The following PPP2R2B variants were observed in gnomAD, a reference collection of about 807,000 sequenced individuals.
PPP2R2B encodes the protein serine/threonine-protein phosphatase 2A 55 kDa regulatory subunit B beta isoform.
In PPP2R2B, 5 loss-of-function variants were observed where a neutral mutation model predicts 46.0. The ratio of observed to expected loss-of-function variants is 0.11; its 90% CI spans 0.06 to 0.23. The LOEUF (loss-of-function observed/expected upper bound fraction) is 0.23. Ranked by LOEUF, PPP2R2B falls within the 10% of genes least tolerant of loss-of-function variation. PPP2R2B has a pLI of 1.00. For synonymous variants in PPP2R2B, 215 were observed against 206.7 expected (o/e 1.04, Z -0.34); for missense variants, 367 against 575.0 (o/e 0.64, Z 3.70).
chr5:146,719,639 A>G (rs1349701196), intron 2 of PPP2R2B, among the ~76,000 whole-genome samples: 1 of 152,160 alleles, frequency 6.6e-6, no homozygotes, highest in Non-Finnish European at 1.5e-5. Context: ...CAGATAAGGC[A>G]GAGCAAGGCT....
chr5:146,724,700 A>G (rs1166911999), intron 2 of PPP2R2B, among the ~76,000 whole-genome samples: 1 of 152,196 alleles, frequency 6.6e-6, no homozygotes, highest in Non-Finnish European at 1.5e-5. Context: ...TCCCAAAGGC[A>G]GGAGCTGGGC....
intron 1 of PPP2R2B, among the ~76,000 whole-genome samples, chr5:147,042,222 A>G (rs905127870): frequency 6.7e-6 from 1 of 149,430 alleles, no homozygotes; most frequent in Non-Finnish European, 1.5e-5. Context: ...TTTTAACTAG[A>G]CCCCCCCCTC....
intron 2 of PPP2R2B, among the ~76,000 whole-genome samples, chr5:146,746,918 T>C (rs558701234): frequency 6.6e-6 from 1 of 152,194 alleles, no homozygotes; most frequent in South Asian, 2.1e-4. Flanking sequence ...CAAGTTCATA[T>C]GGCGAGTCCG....
At position 146,812,967 on chromosome 5, in the gene PPP2R2B, C is replaced by A. The variant is rs547126821; in HGVS notation, c.70+65035G>T. Among the ~76,000 whole-genome samples, 30 of 149,060 alleles carry A rather than the reference C, an allele frequency of 2.0e-4. No individual in the cohort carries two copies. In the Admixed American group the frequency reaches 2.0e-3, roughly 10 times the overall value. ...TCACAACAGGAGGGAATTATGGGAG[C>A]TACAATTCAAGATGAGATTTGGGTG... On this transcript the variant is annotated intron_variant, in intron 2 of 9. Coordinates refer to ENST00000394411, the MANE Select transcript of PPP2R2B (RefSeq NM_181675.4).
intron 2 of PPP2R2B, among the ~76,000 whole-genome samples, chr5:146,800,629 T>G (rs796876808): frequency 0.02 from 725 of 36,498 alleles, 4 homozygotes; most frequent in African/African-American, 0.039. Flanking sequence ...TAATTTTTTT[T>G]GGGGGGTGGG....
chr5:146,631,423 C>T (rs1226379224), intron 7 of PPP2R2B, among the ~76,000 whole-genome samples: 2 of 152,164 alleles, frequency 1.3e-5, no homozygotes, highest in Admixed American at 6.5e-5. Flanking sequence ...ATTATCATTT[C>T]GCATGCTGCT....
intron 2 of PPP2R2B, among the ~76,000 whole-genome samples, chr5:146,711,287 G>T (rs973257604): frequency 1.3e-5 from 2 of 151,746 alleles, no homozygotes; most frequent in Non-Finnish European, 2.9e-5. Context: ...TTCTTTAATG[G>T]ATCACTGAAT....
chr5:146,727,849 G>T (rs116597208), intron 2 of PPP2R2B, among the ~76,000 whole-genome samples: 1 of 151,766 alleles, frequency 6.6e-6, no homozygotes. Context: ...ATACCCAATT[G>T]CTCCCCCTTC....
At chr5:147,061,458 T>G (rs1372173784) in intron 2 of PPP2R2B, among the ~76,000 whole-genome samples, 1 of 152,224 alleles carries the variant, frequency 6.6e-6, no homozygotes, top group Non-Finnish European at 1.5e-5. Context: ...CTAATTTAAC[T>G]AACTACCTAC....
At chr5:147,052,294 CA>C (rs1322539743) in intron 1 of PPP2R2B, among the ~76,000 whole-genome samples, 3 of 152,136 alleles carry the variant, frequency 2.0e-5, no homozygotes, top group African/African-American at 7.2e-5. Context: ...ATCCATACAA[CA>C]GCCTTGGTAT....
rs1769864787 is a variant in PPP2R2B, at chr5:146,580,930, G to C, written c.*9017C>G. On this transcript the variant is annotated 3_prime_UTR_variant, in exon 10 of 10. Coordinates refer to ENST00000394411, the MANE Select transcript of PPP2R2B (RefSeq NM_181675.4). ...TGAGTCATGATCCATGCCTGAAATG[G>C]TATTTCATTTTGTACTTTGAAAAAA... Among the ~76,000 whole-genome samples, 1 of 151,976 alleles carries C rather than the reference G, an allele frequency of 6.6e-6. No homozygotes were observed. The highest frequency in any genetic ancestry group is 2.1e-4 in the South Asian group (1 of 4,814).
intron 1 of PPP2R2B, among the ~76,000 whole-genome samples, chr5:146,927,238 T>C (rs1763812630): frequency 6.6e-6 from 1 of 152,118 alleles, no homozygotes; most frequent in Non-Finnish European, 1.5e-5. Flanking sequence ...AGCTCTATCA[T>C]TGCATTTTGG....
At chr5:146,812,891 A>C (rs1757713145) in intron 2 of PPP2R2B, among the ~76,000 whole-genome samples, 1 of 137,028 alleles carries the variant, frequency 7.3e-6, no homozygotes, top group African/African-American at 2.7e-5. Context: ...CCATGAGAAC[A>C]GTATGGGGAA....
Position 146,764,800 on chromosome 5 carries a change from C to CGAGAGAGAGAGA in PPP2R2B, c.71-63670_71-63659dup, listed in dbSNP as rs67810307. ...GTCTCTTTATGGAACATCTCTATCCCGAGAGAGAGAGAGAGAGAGAGAGAG... is the reference window on the plus strand; with the variant it reads ...GTCTCTTTATGGAACATCTCTATCCCGAGAGAGAGAGAGAGAGAGAGAGAGAGAGAGAGAGAG... On this transcript the variant is annotated intron_variant, in intron 2 of 9. Coordinates refer to ENST00000394411, the MANE Select transcript of PPP2R2B (RefSeq NM_181675.4). Among the ~76,000 whole-genome samples the CGAGAGAGAGAGA allele has an allele frequency of 6.8e-3, 1,023 of 149,918 alleles. 15 individuals carry two copies. The highest frequency in any genetic ancestry group is 0.024 in the African/African-American group (968 of 40,690).
chr5:146,894,504 A>G (rs964110087), intron 1 of PPP2R2B, among the ~76,000 whole-genome samples: 1 of 152,190 alleles, frequency 6.6e-6, no homozygotes, highest in African/African-American at 2.4e-5. Context: ...CAGTGGCACA[A>G]TCATGGCTCA....
intron 5 of PPP2R2B, among the ~76,000 whole-genome samples, chr5:146,681,695 G>A (rs1778184036): frequency 6.6e-6 from 1 of 152,158 alleles, no homozygotes; most frequent in South Asian, 2.1e-4. Flanking sequence ...GGGTCAGTGT[G>A]AATCAGGTTT....
At chr5:146,999,868 G>C (rs1754086082) in intron 1 of PPP2R2B, among the ~76,000 whole-genome samples, 1 of 152,300 alleles carries the variant, frequency 6.6e-6, no homozygotes, top group Non-Finnish European at 1.5e-5. Flanking sequence ...TTTACATACT[G>C]CATGTAAAGG....
At chr5:146,644,929 T>A (rs1228342631) in intron 6 of PPP2R2B, among the ~76,000 whole-genome samples, 1 of 152,184 alleles carries the variant, frequency 6.6e-6, no homozygotes, top group Non-Finnish European at 1.5e-5. Flanking sequence ...AATACTGACA[T>A]GCGTATTTCC....
intron 1 of PPP2R2B, among the ~76,000 whole-genome samples, chr5:147,036,329 T>G (rs1756033901): frequency 6.6e-6 from 1 of 152,200 alleles, no homozygotes; most frequent in Non-Finnish European, 1.5e-5. Flanking sequence ...TCCATGTCCC[T>G]GAAAAGGACA....
Sources: gnomAD v4.1 joint callset for allele counts (sites outside exome capture counted in the v4.1 genomes callset) on GRCh38, gnomAD v4.1.1 for gene constraint, MANE v1.5 for transcripts, NCBI Gene and HGNC (gene_info 2026-07-23, HGNC 2026-07-21) for gene names.